TPST2: variants seen among roughly 807,000 people sequenced by gnomAD.
TPST2 encodes protein-tyrosine sulfotransferase 2.
Under a neutral mutation model 27.8 loss-of-function variants are expected in TPST2, and 16 were observed. That is an observed-to-expected ratio of 0.58 (90% CI 0.39 to 0.88). TPST2 has a LOEUF of 0.88. Ranked by LOEUF, TPST2 falls within the 40% of genes least tolerant of loss-of-function variation. The pLI, the probability that TPST2 is intolerant of heterozygous loss-of-function variation, is 0.00. For missense variants in TPST2, 464 were observed against 543.1 expected, an observed-to-expected ratio of 0.85 and a Z score of 1.45; for synonymous variants, 229 against 231.7, an observed-to-expected ratio of 0.99 and a Z score of 0.10.
chr22:26,527,109 C>T (rs191809117), intron 6 of TPST2, among the ~76,000 whole-genome samples: 5 of 152,254 alleles, frequency 3.3e-5, no homozygotes, highest in Admixed American at 3.3e-4. Context: ...CTTAGTGCAA[C>T]TCAAGATGGG....
rs115619968 is a variant in TPST2 at position 26,577,134 on chromosome 22, G to A, written c.-161+12919C>T. Among the ~76,000 whole-genome samples the A allele has an allele frequency of 2.3e-3, 345 of 150,344 alleles. 1 individual carries two copies. Among genetic ancestry groups the A allele is most frequent in the African/African-American group, 8.1e-3 (333 of 40,932 alleles). ...AAAAAGAAAATTAAATTAGCCAAGC[G>A]TGGTGGTGCATACTTGTAGTCCCTG... On this transcript the variant is annotated intron_variant, in intron 1 of 6. Coordinates refer to ENST00000338754, the MANE Select transcript of TPST2 (RefSeq NM_003595.5).
At position 26,541,855 on chromosome 22, in the gene TPST2, G is replaced by T; in HGVS notation, c.-88-137C>A. 1 of 868,482 alleles carries T rather than the reference G, an allele frequency of 1.2e-6. No individual in the cohort carries two copies. Among genetic ancestry groups the T allele is most frequent in the South Asian group, 2.1e-5 (1 of 48,316 alleles). 53.8% of individuals were successfully genotyped at this position (868,482 alleles called of 1,614,324 possible). On this transcript the variant is annotated intron_variant, in intron 2 of 6. Coordinates refer to ENST00000338754, the MANE Select transcript of TPST2 (RefSeq NM_003595.5). The surrounding 1 kb of genome is among the most constrained non-coding windows in gnomAD (Gnocchi z 5.9). ...GGCACCTTTCATAAGCACTAGCTGT[G>T]TGCCTGGCACCCTGCTGGGCACTTT...
intron 1 of TPST2, among the ~76,000 whole-genome samples, chr22:26,560,237 A>C (rs1376341488): frequency 6.6e-6 from 1 of 152,082 alleles, no homozygotes. Context: ...TGCTCTCCTA[A>C]CAAGATACGG....
intron 4 of TPST2, 102 bp from the exon 5 acceptor site, chr22:26,532,847 C>G (rs1358895480): frequency 1.0e-6 from 1 of 990,904 alleles, no homozygotes; most frequent in African/African-American, 1.6e-5. Context: ...ACCTCGCCAC[C>G]CACCCATCCC....
At position 26,541,660 on chromosome 22, in the gene TPST2, T is replaced by A; in HGVS notation, c.-30A>T. 1.3e-6 allele frequency: 2 copies of A among 1,527,710 alleles called. No homozygotes were observed. Among genetic ancestry groups the A allele is most frequent in the Non-Finnish European group, 1.7e-6 (2 of 1,144,504 alleles). The allele number at this position is 1,527,710 out of a possible 1,614,324, so 94.6% of individuals were successfully genotyped here. ...GGCCGGAGGCAGGGTAGGCCTGGCC[T>A]GAGGGCCCGCTTCTGGGGCTTCAGC... On this transcript the variant is annotated 5_prime_UTR_variant, in exon 3 of 7. Transcript: ENST00000338754. The surrounding 1 kb of genome is among the most constrained non-coding windows in gnomAD (Gnocchi z 5.9).
intron 1 of TPST2, among the ~76,000 whole-genome samples, chr22:26,566,209 G>A (rs1189292926): frequency 6.6e-6 from 1 of 152,144 alleles, no homozygotes; most frequent in African/African-American, 2.4e-5. Context: ...CTGAGGTCAG[G>A]AGTTAGAGAC....
Position 26,541,276 on chromosome 22 carries a change from C to T in TPST2, c.355G>A (p.Glu119Lys), listed in dbSNP as rs2147189021. ...CCCGCCTCATCCAGCCGCAGCTTCT[C>T]ACGGCCAGACTTGGACCAGGCCTGG... Reference protein sequence around the residue: ...MRQAWSKSGREKLRLDEAGVT... With the variant: ...MRQAWSKSGRKKLRLDEAGVT... The change falls in exon 3 of 7, where the codon GAG becomes AAG. Residue 119 changes from glutamate (E) to lysine (K), a missense_variant. Glu to Lys is a moderately conservative substitution (Grantham distance 56). Coordinates refer to ENST00000338754, the MANE Select transcript of TPST2 (RefSeq NM_003595.5). The surrounding 1 kb of genome is among the most constrained non-coding windows in gnomAD (Gnocchi z 5.9). 1 of 1,538,290 alleles carries T rather than the reference C, an allele frequency of 6.5e-7. No individual in the cohort carries two copies. The highest frequency in any genetic ancestry group is 8.8e-7 in the Non-Finnish European group (1 of 1,140,740).
chr22:26,575,920 T>C (rs2147235782), intron 1 of TPST2, among the ~76,000 whole-genome samples: 1 of 152,118 alleles, frequency 6.6e-6, no homozygotes, highest in Non-Finnish European at 1.5e-5. Flanking sequence ...TGCTTGAACC[T>C]GGGAGGCGGA....
At position 26,563,794 on chromosome 22, in the gene TPST2, G is replaced by T. The variant is rs146019180; in HGVS notation, c.-160-19119C>A. Among the ~76,000 whole-genome samples, 893 of 152,262 alleles carry T rather than the reference G, an allele frequency of 5.9e-3. 5 individuals carry two copies. The highest frequency in any genetic ancestry group is 7.4e-3 in the Non-Finnish European group (501 of 68,012). On this transcript the variant is annotated intron_variant, in intron 1 of 6. Coordinates refer to ENST00000338754, the MANE Select transcript of TPST2 (RefSeq NM_003595.5). The stretch of plus-strand genomic sequence containing the variant: ...GTGCCCATGCATGAAAGGTGCCCTA[G>T]GGCCTCACTAGGGTCTTGCAAGCAG...
At chr22:26,559,846 C>T (rs745511321) in intron 1 of TPST2, among the ~76,000 whole-genome samples, 3 of 152,200 alleles carry the variant, frequency 2.0e-5, no homozygotes, top group Non-Finnish European at 2.9e-5. Context: ...CACACCTTCA[C>T]GCAGAAGCCA....
At chr22:26,560,794 A>C (rs1202629729) in intron 1 of TPST2, 5 of 1,347,312 alleles carry the variant, frequency 3.7e-6, no homozygotes, top group Admixed American at 1.7e-5. Flanking sequence ...AAGAAGTTCA[A>C]GGATCCGAAT....
At chr22:26,563,949 G>A (rs1927251352) in intron 1 of TPST2, among the ~76,000 whole-genome samples, 1 of 152,180 alleles carries the variant, frequency 6.6e-6, no homozygotes, top group Non-Finnish European at 1.5e-5. Flanking sequence ...CCTGTAGGGG[G>A]TCGGCGGGCT....
chr22:26,526,830 C>G (rs1322900749), intron 6 of TPST2, among the ~76,000 whole-genome samples: 2 of 152,280 alleles, frequency 1.3e-5, no homozygotes, highest in South Asian at 2.1e-4. Context: ...GTAATCCCAG[C>G]ACTTTGGGAG....
At chr22:26,532,311 C>T (rs562197741) in intron 5 of TPST2, among the ~76,000 whole-genome samples, 22 of 152,294 alleles carry the variant, frequency 1.4e-4, no homozygotes, top group Middle Eastern at 3.4e-3. Flanking sequence ...GATGGAGTCT[C>T]GCTCTGTCGC....
intron 1 of TPST2, among the ~76,000 whole-genome samples, chr22:26,583,631 G>A (rs375115822): frequency 1.3e-5 from 2 of 151,850 alleles, no homozygotes; most frequent in Non-Finnish European, 2.9e-5. Context: ...CAAGGCAGGC[G>A]GAGTTCGAGA....
In TPST2 at chr22:26,532,606, G is replaced by A. The variant is rs948586037; in HGVS notation, c.1092+89C>T. On this transcript the variant is annotated intron_variant, in intron 5 of 6. Coordinates refer to ENST00000338754, the MANE Select transcript of TPST2 (RefSeq NM_003595.5). Reference sequence around the variant, plus strand: ...TATAATGGGAAAACCATCAACCAGAGTGGAGAAGTGACACATCTAAGGGCA... The same window carrying A: ...TATAATGGGAAAACCATCAACCAGAATGGAGAAGTGACACATCTAAGGGCA... 13 of 1,360,562 alleles carry A rather than the reference G, an allele frequency of 9.6e-6. 1 individual carries two copies. The South Asian group carries it at 1.5e-4, about 16-fold the overall frequency. The allele number at this position is 1,360,562 out of a possible 1,614,324, so 84.3% of individuals were successfully genotyped here. A position where few individuals can be genotyped will look rare whatever the true frequency, so the allele number is the denominator to read the frequency against.
chr22:26,550,557 T>C, intron 1 of TPST2: 3 of 985,040 alleles, frequency 3.0e-6, no homozygotes, highest in Non-Finnish European at 3.6e-6. Context: ...GAGCTGGCAG[T>C]GCACAAAGCC....
intron 5 of TPST2, among the ~76,000 whole-genome samples, chr22:26,531,047 C>A (rs1311951091): frequency 6.6e-6 from 1 of 151,454 alleles, no homozygotes; most frequent in Non-Finnish European, 1.5e-5. Flanking sequence ...AGGGTTGGGC[C>A]AGTTTATACT....
At chr22:26,561,469 T>G (rs1023322436) in intron 1 of TPST2, among the ~76,000 whole-genome samples, 2 of 152,308 alleles carry the variant, frequency 1.3e-5, no homozygotes, top group South Asian at 2.1e-4. Context: ...GGGATGATAG[T>G]TTTTTCATCT....
Sources: gnomAD v4.1 joint callset for allele counts (sites outside exome capture counted in the v4.1 genomes callset) on GRCh38, gnomAD v4.1.1 for gene constraint, Gnocchi (gnomAD v3.1) non-coding constraint, MANE v1.5 for transcripts, NCBI Gene and HGNC (gene_info 2026-07-23, HGNC 2026-07-21) for gene names.